The following CHD7 variants were observed in gnomAD, a reference collection of about 807,000 sequenced individuals.
CHD7 encodes ATP-dependent chromatin remodeler CHD7.
Under a neutral mutation model 307.3 loss-of-function variants are expected in CHD7, and 24 were observed. The ratio of observed to expected loss-of-function variants is 0.08; its 90% confidence interval spans 0.06 to 0.11. The LOEUF is 0.11. Ranked by LOEUF, CHD7 falls within the 10% of genes least tolerant of loss-of-function variation. The probability of loss-of-function intolerance (pLI) is 1.00; values close to 1 mark genes in which losing one functional copy is unlikely to be tolerated. For missense variants in CHD7, 3,106 were observed against 3,727.1 expected (o/e 0.83, Z 4.34); for synonymous variants, 1,363 against 1,349.9 (o/e 1.01, Z -0.21).
chr8:60,750,392 T>TGGTGGAAG (rs1809578596), intron 2 of CHD7, among the ~76,000 whole-genome samples: 1 of 152,174 alleles, frequency 6.6e-6, no homozygotes, highest in Admixed American at 6.5e-5. Context: ...GACAGCAACC[T>TGGTGGAAG]CCACCGAGGT....
chr8:60,863,272 C>T (rs959761304), intron 37 of CHD7: 3 of 152,152 alleles, frequency 2.0e-5, no homozygotes, highest in African/African-American at 7.3e-5. Context: ...CCCTGGCTGC[C>T]GCTGACCTGT....
Position 60,820,019 on chromosome 8 carries a change from C to A in CHD7, c.2626C>A (p.Leu876Ile), listed in dbSNP as rs368156500. The A allele has an allele frequency of 4.4e-6, 7 of 1,587,376 alleles. No homozygotes were observed. The African/African-American group carries it at 9.8e-5, about 22-fold the overall frequency. The change falls in exon 9 of 38, where the codon CTT (leucine) becomes ATT (isoleucine). Residue 876 changes from leucine (L) to isoleucine (I), a missense_variant. Physicochemically the swap from Leu to Ile is conservative, Grantham distance 5 (BLOSUM62 2). Transcript: ENST00000423902. The part of the protein sequence containing the change: ...NKFLSEIEDE[L>I]FNPDYVEVDR... ...CCCTTTGGTGTAGATTGAGGATGAG[C>A]TTTTTAATCCAGATTATGTGGAGGT...
At chr8:60,683,557 C>T (rs1301156595) in intron 1 of CHD7, among the ~76,000 whole-genome samples, 1 of 152,154 alleles carries the variant, frequency 6.6e-6, no homozygotes, top group Non-Finnish European at 1.5e-5. Context: ...TCATTTTATC[C>T]TTATTAGAGA....
At chr8:60,758,838 T>C (rs1810022965) in intron 2 of CHD7, among the ~76,000 whole-genome samples, 1 of 152,186 alleles carries the variant, frequency 6.6e-6, no homozygotes, top group African/African-American at 2.4e-5. Flanking sequence ...CAGAAAAGAT[T>C]AAAAAGGGGC....
At chr8:60,857,956 A>G (rs1805788505) in intron 34 of CHD7, among the ~76,000 whole-genome samples, 1 of 152,254 alleles carries the variant, frequency 6.6e-6, no homozygotes, top group Non-Finnish European at 1.5e-5. Flanking sequence ...GGTGGCTAAG[A>G]GTAAATTTTC....
intron 13 of CHD7, among the ~76,000 whole-genome samples, chr8:60,825,707 T>C (rs899740492): frequency 6.6e-6 from 1 of 152,264 alleles, no homozygotes; most frequent in Non-Finnish European, 1.5e-5. Context: ...GTCATCTGAC[T>C]GAACTTATCT....
intron 9 of CHD7, among the ~76,000 whole-genome samples, chr8:60,820,529 AT>A (rs1803977847): frequency 3.3e-5 from 5 of 152,226 alleles, no homozygotes. Flanking sequence ...GCTAATAGAC[AT>A]TATTTCTCTT....
At position 60,841,771 on chromosome 8, in the gene CHD7, A is replaced by T; in HGVS notation, c.4644+17A>T. On this transcript the variant is annotated intron_variant, in intron 20 of 37. Transcript: ENST00000423902. ...AATGGGAGGGTGAGTAAGAAGTCCC[A>T]TTCGAACACCTATCTGATCTAAACC... The T allele has an allele frequency of 1.2e-6, 2 of 1,604,006 alleles. No individual in the cohort carries two copies. The highest frequency in any genetic ancestry group is 1.7e-6 in the Non-Finnish European group (2 of 1,171,142).
intron 7 of CHD7, among the ~76,000 whole-genome samples, chr8:60,810,953 C>G (rs1812773722): frequency 6.6e-6 from 1 of 152,180 alleles, no homozygotes; most frequent in East Asian, 1.9e-4. Context: ...ACATTAGTTT[C>G]TCATAGGAAC....
chr8:60,776,615 G>T (rs566521264), intron 2 of CHD7, among the ~76,000 whole-genome samples: 3 of 152,274 alleles, frequency 2.0e-5, no homozygotes, highest in East Asian at 3.9e-4. Context: ...TGGCTGCCTT[G>T]TTTACTGTTA....
chr8:60,848,296 G>T (rs887220328), intron 23 of CHD7, among the ~76,000 whole-genome samples: 6 of 152,230 alleles, frequency 3.9e-5, no homozygotes, highest in Non-Finnish European at 7.3e-5. Flanking sequence ...CCCTCTCTGT[G>T]CAGTGTGAGC....
chr8:60,808,299 A>T (rs1812631369), intron 7 of CHD7, 27 bp downstream of exon 7: 1 of 1,295,546 alleles, frequency 7.7e-7, no homozygotes. Context: ...TCTGTTTTTA[A>T]TGGGGGGCTA....
At chr8:60,847,598 TC>T (rs1345490547) in intron 23 of CHD7, among the ~76,000 whole-genome samples, 1 of 152,212 alleles carries the variant, frequency 6.6e-6, no homozygotes, top group Non-Finnish European at 1.5e-5. Flanking sequence ...AGGCTGCGAT[TC>T]ACGTATCAGT....
chr8:60,779,158 C>G (rs553715577), intron 2 of CHD7, among the ~76,000 whole-genome samples: 1 of 152,294 alleles, frequency 6.6e-6, no homozygotes, highest in Admixed American at 6.5e-5. Context: ...TTGGAAATCA[C>G]CTATCAATCA....
chr8:60,849,660 TAC>T (rs1235276586), intron 25 of CHD7, among the ~76,000 whole-genome samples: 1 of 152,188 alleles, frequency 6.6e-6, no homozygotes, highest in Non-Finnish European at 1.5e-5. Context: ...GCATGATATA[TAC>T]AGTGAGCGAT....
chr8:60,828,045 C>T (rs1403532408), intron 13 of CHD7, among the ~76,000 whole-genome samples: 5 of 151,466 alleles, frequency 3.3e-5, no homozygotes, highest in African/African-American at 7.3e-5. Context: ...GGAAAGAGTT[C>T]GTAAACAGGA....
At chr8:60,722,485 T>C (rs563276340) in intron 1 of CHD7, among the ~76,000 whole-genome samples, 1 of 152,352 alleles carries the variant, frequency 6.6e-6, no homozygotes, top group South Asian at 2.1e-4. Context: ...TTGCAAATCA[T>C]TTAGAGCTAT....
At chr8:60,849,431 T>A (rs1323912946) in intron 25 of CHD7, among the ~76,000 whole-genome samples, 1 of 152,234 alleles carries the variant, frequency 6.6e-6, no homozygotes, top group African/African-American at 2.4e-5. Context: ...AGTTGTACTA[T>A]AGCTCTCCCT....
intron 1 of CHD7, among the ~76,000 whole-genome samples, chr8:60,686,705 A>G (rs780239146): frequency 2.0e-5 from 3 of 151,076 alleles, no homozygotes; most frequent in African/African-American, 2.4e-5. Flanking sequence ...AAGGTGTGCA[A>G]TTAGACACAT....
Sources: allele counts gnomAD v4.1 joint callset (sites outside exome capture counted in the v4.1 genomes callset), GRCh38; gene constraint gnomAD v4.1.1; transcripts MANE v1.5; gene names NCBI Gene and HGNC (gene_info 2026-07-23, HGNC 2026-07-21).